The following PTTG1IP variants were observed in gnomAD, a reference collection of about 807,000 sequenced individuals.
PTTG1IP encodes pituitary tumor-transforming gene 1 protein-interacting protein.
Under a neutral mutation model 24.4 loss-of-function variants are expected in PTTG1IP, and 16 were observed. That is an observed-to-expected ratio of 0.66 (90% CI 0.44 to 1.00). PTTG1IP has a LOEUF of 1.00. PTTG1IP is among the 50% of genes least tolerant of loss of function. PTTG1IP has a pLI of 0.00. For synonymous variants in PTTG1IP, 89 were observed against 96.8 expected, an observed-to-expected ratio of 0.92 and a Z score of 0.47; for missense variants, 241 against 245.8, an observed-to-expected ratio of 0.98 and a Z score of 0.13.
chr21:44,869,806 C>G (rs145690657), intron 1 of PTTG1IP, among the ~76,000 whole-genome samples: 39 of 152,322 alleles, frequency 2.6e-4, no homozygotes, highest in African/African-American at 8.7e-4. Context: ...GCCCAACACA[C>G]CCACTCGAGT....
chr21:44,855,332 T>C (rs2083441199), intron 4 of PTTG1IP, 76 bp from the exon 5 acceptor site: 2 of 1,476,120 alleles, frequency 1.4e-6, no homozygotes, highest in Admixed American at 1.7e-5. Flanking sequence ...CCCTTCCGTG[T>C]CCCTCAGTGG....
At chr21:44,853,275 A>G (rs960236459) in intron 5 of PTTG1IP, among the ~76,000 whole-genome samples, 3 of 152,192 alleles carry the variant, frequency 2.0e-5, no homozygotes, top group Non-Finnish European at 4.4e-5. Context: ...TGGGAGGCCG[A>G]GGCGGGCGGA....
At chr21:44,861,016 A>G (rs762542387) in intron 3 of PTTG1IP, 147 bp downstream of exon 3, 3 of 565,932 alleles carry the variant, frequency 5.3e-6, no homozygotes, top group African/African-American at 1.9e-5. Flanking sequence ...GTTAGCCAGG[A>G]TGGTCTCAAT....
rs555250826 is a variant in PTTG1IP at position 44,869,430 on chromosome 21, C to T, written c.116-3983G>A. ...TCAAATGGTTTGGTCAAAATAACAA[C>T]AGGCAACACAATTATGATTGTCAAT... On this transcript the variant is annotated intron_variant, in intron 1 of 5. Coordinates refer to ENST00000330938, the MANE Select transcript of PTTG1IP (RefSeq NM_004339.4). 2.6e-5 allele frequency among the ~76,000 whole-genome samples: 4 copies of T among 152,290 alleles called. 1 individual carries two copies. The highest frequency in any genetic ancestry group is 9.6e-5 in the African/African-American group (4 of 41,556).
intron 1 of PTTG1IP, among the ~76,000 whole-genome samples, chr21:44,869,784 GA>G (rs1349458311): frequency 6.6e-6 from 1 of 152,200 alleles, no homozygotes; most frequent in East Asian, 1.9e-4. Context: ...TCTGGGCAAG[GA>G]GACAGGGTAT....
chr21:44,863,427 G>A lies in PTTG1IP; in HGVS notation c.168+1968C>T, dbSNP rs576037974. ...CCAAGAGCACACCCACACACGCCTG[G>A]AGCTACTGTAGGGCAAGCGGCCCTC... On this transcript the variant is annotated intron_variant, in intron 2 of 5. Transcript: ENST00000330938. Among the ~76,000 whole-genome samples the A allele has an allele frequency of 2.0e-5, 3 of 152,346 alleles. No homozygotes were observed. The South Asian group carries it at 6.2e-4, about 32-fold the overall frequency.
intron 3 of PTTG1IP, among the ~76,000 whole-genome samples, chr21:44,860,708 G>A (rs979840795): frequency 7.2e-5 from 11 of 152,142 alleles, no homozygotes; most frequent in East Asian, 1.9e-4. Context: ...CTGCTTTCCC[G>A]GTCAGCAGAT....
intron 5 of PTTG1IP, among the ~76,000 whole-genome samples, chr21:44,854,465 G>A (rs1302680206): frequency 8.9e-6 from 1 of 112,506 alleles, no homozygotes; most frequent in Non-Finnish European, 2.0e-5. Context: ...CAAACCCAGC[G>A]CGGGAGACGC....
At chr21:44,852,470 C>T (rs1276609708) in intron 5 of PTTG1IP, among the ~76,000 whole-genome samples, 2 of 152,178 alleles carry the variant, frequency 1.3e-5, no homozygotes, top group African/African-American at 4.8e-5. Context: ...CGTGAGCCAC[C>T]GTGCCTGGCC....
At chr21:44,856,940 G>C (rs2083454452) in intron 3 of PTTG1IP, among the ~76,000 whole-genome samples, 1 of 152,192 alleles carries the variant, frequency 6.6e-6, no homozygotes, top group African/African-American at 2.4e-5. Flanking sequence ...TCAAATCTGA[G>C]TGTTTTGAGG....
intron 2 of PTTG1IP, among the ~76,000 whole-genome samples, chr21:44,864,225 T>C (rs1264917996): frequency 6.6e-6 from 1 of 152,204 alleles, no homozygotes; most frequent in East Asian, 1.9e-4. Context: ...CCCGCTGCCG[T>C]GGGCCTTCCC....
intron 5 of PTTG1IP, 89 bp from the exon 6 acceptor site, chr21:44,851,716 G>C (rs1412157475): frequency 1.2e-5 from 17 of 1,450,340 alleles, no homozygotes; most frequent in Non-Finnish European, 1.4e-5. Flanking sequence ...TTTATAAGAA[G>C]ATTTACTGAG....
intron 3 of PTTG1IP, among the ~76,000 whole-genome samples, chr21:44,858,650 G>C (rs2083466978): frequency 6.6e-6 from 1 of 152,256 alleles, no homozygotes; most frequent in African/African-American, 2.4e-5. Context: ...ACTGTGACTA[G>C]TCACCTGCTG....
intron 3 of PTTG1IP, among the ~76,000 whole-genome samples, chr21:44,859,645 A>G (rs1287920357): frequency 6.6e-6 from 1 of 152,222 alleles, no homozygotes; most frequent in Non-Finnish European, 1.5e-5. Context: ...GTGGTCATTA[A>G]GAGAAGTTCC....
chr21:44,851,955 TAAAC>T (rs2083414569), intron 5 of PTTG1IP, among the ~76,000 whole-genome samples: 1 of 152,206 alleles, frequency 6.6e-6, no homozygotes, highest in African/African-American at 2.4e-5. Flanking sequence ...TGGCTACTAT[TAAAC>T]AAAATAACCT....
chr21:44,866,599 T>C (rs999949478), intron 1 of PTTG1IP, among the ~76,000 whole-genome samples: 26 of 48,904 alleles, frequency 5.3e-4, no homozygotes, highest in Middle Eastern at 0.019. Flanking sequence ...ATAACACACA[T>C]ACACACACAC....
At chr21:44,872,322 A>C (rs955087297) in intron 1 of PTTG1IP, among the ~76,000 whole-genome samples, 5 of 152,260 alleles carry the variant, frequency 3.3e-5, no homozygotes, top group African/African-American at 1.2e-4. Context: ...AAGAAACACA[A>C]ATAATCCTGC....
chr21:44,850,969 T>C lies in PTTG1IP; in HGVS notation c.*612A>G, dbSNP rs979084757. 1 of 161,616 alleles carries C rather than the reference T, an allele frequency of 6.2e-6. No individual in the cohort carries two copies. The allele number at this position is 161,616 out of a possible 1,614,324, so 10.0% of individuals were successfully genotyped here. ...GGGAGGAAAATCCAATAAATTTTTT[T>C]AAAAAGGTTTAGCTATTCCCCAATG... On this transcript the variant is annotated 3_prime_UTR_variant, in exon 6 of 6. Coordinates refer to ENST00000330938, the MANE Select transcript of PTTG1IP (RefSeq NM_004339.4).
At chr21:44,858,834 C>T (rs1008823003) in intron 3 of PTTG1IP, among the ~76,000 whole-genome samples, 1 of 152,202 alleles carries the variant, frequency 6.6e-6, no homozygotes, top group African/African-American at 2.4e-5. Flanking sequence ...CCACTACACA[C>T]CCACTAGATG....
Sources: allele counts gnomAD v4.1 joint callset (sites outside exome capture counted in the v4.1 genomes callset), GRCh38; gene constraint gnomAD v4.1.1; transcripts MANE v1.5; gene names NCBI Gene and HGNC (gene_info 2026-07-23, HGNC 2026-07-21).